KDM6A: variants seen among roughly 807,000 people sequenced by gnomAD.
The protein encoded by KDM6A is lysine demethylase 6A.
KDM6A carries 11 observed loss-of-function variants against 117.6 expected under a neutral mutation model. That is an observed-to-expected ratio of 0.09 (90% CI 0.06 to 0.15). KDM6A has a LOEUF of 0.15. KDM6A is among the 10% of genes least tolerant of loss of function. The pLI is 1.00. For synonymous variants in KDM6A, 384 were observed against 396.1 expected, an observed-to-expected ratio of 0.97 and a Z score of 0.36; for missense variants, 799 against 1,077.3, an observed-to-expected ratio of 0.74 and a Z score of 3.62.
chrX:44,979,563 G>C (rs911664712), intron 4 of KDM6A, among the ~76,000 whole-genome samples: 1 of 111,365 alleles, frequency 9.0e-6, no homozygotes, highest in African/African-American at 3.3e-5. Context: ...GTCTTTTGAA[G>C]AGCAAATGTT....
At chrX:44,988,130 C>G (rs1331286660) in intron 4 of KDM6A, among the ~76,000 whole-genome samples, 3 of 111,675 alleles carry the variant, frequency 2.7e-5, no homozygotes, top group Non-Finnish European at 5.6e-5. Flanking sequence ...TTTCTCTAAA[C>G]TTCTCTTCTC....
chrX:44,876,828 GTC>G (rs1463022218), intron 2 of KDM6A, among the ~76,000 whole-genome samples: 4 of 110,382 alleles, frequency 3.6e-5, no homozygotes, highest in Non-Finnish European at 5.7e-5. Flanking sequence ...CATTAAATAT[GTC>G]TCTTACTTGT....
chrX:44,934,742 G>A (rs1429599369), intron 2 of KDM6A, among the ~76,000 whole-genome samples: 1 of 111,356 alleles, frequency 9.0e-6, no homozygotes, highest in Non-Finnish European at 1.9e-5. Context: ...ATGAGAATTA[G>A]AGAGAAGGGG....
intron 7 of KDM6A, among the ~76,000 whole-genome samples, chrX:45,035,417 A>G (rs2042769070): frequency 8.9e-6 from 1 of 111,743 alleles, no homozygotes; most frequent in South Asian, 3.7e-4. Flanking sequence ...TGATAGTTTT[A>G]TATATCATTT....
chrX:45,086,103 A>G, intron 25 of KDM6A, 124 bp downstream of exon 25: 1 of 481,951 alleles, frequency 2.1e-6, no homozygotes, highest in Non-Finnish European at 3.7e-6. Context: ...TCAGCGAAGA[A>G]TTCATTTTAA....
At chrX:45,069,297 ATATG>A (rs2044708443) in intron 17 of KDM6A, among the ~76,000 whole-genome samples, 1 of 111,646 alleles carries the variant, frequency 9.0e-6, no homozygotes, top group South Asian at 3.7e-4. Flanking sequence ...AGAGATGAAA[ATATG>A]TATATTGGAA....
intron 4 of KDM6A, among the ~76,000 whole-genome samples, chrX:45,005,994 C>T (rs1227660778): frequency 1.6e-5 from 1 of 63,021 alleles, no homozygotes; most frequent in African/African-American, 6.5e-5. Flanking sequence ...CACCACCCAC[C>T]ACCCACCACC....
At chrX:45,079,771 C>T (rs2045316747) in intron 21 of KDM6A, among the ~76,000 whole-genome samples, 1 of 112,076 alleles carries the variant, frequency 8.9e-6, no homozygotes, top group Non-Finnish European at 1.9e-5. Context: ...GTCTCGAACT[C>T]CTGACCTCAA....
At chrX:45,059,186 T>C (rs2044205779) in intron 11 of KDM6A, 61 bp from the exon 12 acceptor site, 1 of 1,181,950 alleles carries the variant, frequency 8.5e-7, no homozygotes. Flanking sequence ...ATAGTTTAAA[T>C]CATTATAAAA....
chrX:44,914,624 C>G (rs2035439754), intron 2 of KDM6A, among the ~76,000 whole-genome samples: 1 of 110,950 alleles, frequency 9.0e-6, no homozygotes, highest in Non-Finnish European at 1.9e-5. Flanking sequence ...TGACCCTATC[C>G]CTAGACTTTG....
At chrX:45,029,431 C>T (rs1005626780) in intron 6 of KDM6A, among the ~76,000 whole-genome samples, 2 of 109,552 alleles carry the variant, frequency 1.8e-5, no homozygotes, top group Non-Finnish European at 3.8e-5. Context: ...GAAACCCCAT[C>T]TAATAAATAA....
chrX:44,958,181 ATT>A (rs35278318), intron 2 of KDM6A, among the ~76,000 whole-genome samples: 25 of 97,438 alleles, frequency 2.6e-4, no homozygotes, highest in Non-Finnish European at 2.9e-4. Flanking sequence ...TCTTTAATGA[ATT>A]TTTTTTTTTT....
chrX:44,922,895 C>T (rs1276443011), intron 2 of KDM6A, among the ~76,000 whole-genome samples: 1 of 104,579 alleles, frequency 9.6e-6, no homozygotes, highest in Non-Finnish European at 1.9e-5. Flanking sequence ...TTTAAATTTG[C>T]CTGAACGACT....
intron 19 of KDM6A, 75 bp downstream of exon 19, chrX:45,076,901 C>T: frequency 1.1e-6 from 1 of 909,299 alleles, no homozygotes; most frequent in Non-Finnish European, 1.6e-6. Flanking sequence ...TTTAAATTTA[C>T]ATGGATGCCC....
chrX:45,076,613 T>C, intron 18 of KDM6A, 84 bp from the exon 19 acceptor site: 1 of 732,596 alleles, frequency 1.4e-6, no homozygotes, highest in Non-Finnish European at 2.1e-6. Flanking sequence ...GTAATTTAAT[T>C]AGGACTTAAT....
intron 2 of KDM6A, among the ~76,000 whole-genome samples, chrX:44,878,957 CG>C (rs1466717833): frequency 9.0e-6 from 1 of 111,005 alleles, no homozygotes; most frequent in Non-Finnish European, 1.9e-5. Context: ...CCTGACCTCA[CG>C]TGATCAGCCC....
In KDM6A at chrX:45,010,792, G is replaced by A. The variant is rs193221960; in HGVS notation, c.385-169G>A. Among the ~76,000 whole-genome samples the A allele has an allele frequency of 1.5e-3, 165 of 111,728 alleles. 1 individual carries two copies. Among genetic ancestry groups the A allele is most frequent in the Non-Finnish European group, 3.8e-4 (20 of 53,095 alleles). ...GCTGGAATACCTCTCTAAGTTGATT[G>A]GAATCTGTGCCATCTGATCACTGTT... On this transcript the variant is annotated intron_variant, in intron 4 of 29. Coordinates refer to ENST00000611820, the MANE Select transcript of KDM6A (RefSeq NM_001291415.2).
chrX:45,020,874 T>G, intron 6 of KDM6A, 144 bp downstream of exon 6: 11 of 628,327 alleles, frequency 1.8e-5, no homozygotes, highest in Non-Finnish European at 2.8e-5. Flanking sequence ...GTGACAGAAC[T>G]GTTTATCAAC....
chrX:44,927,168 A>G (rs948848533), intron 2 of KDM6A, among the ~76,000 whole-genome samples: 1 of 111,031 alleles, frequency 9.0e-6, no homozygotes, highest in African/African-American at 3.3e-5. Context: ...TTTTCTTTAA[A>G]TGTTAGCAAA....
Sources: gnomAD v4.1 joint callset for allele counts (sites outside exome capture counted in the v4.1 genomes callset) on GRCh38, gnomAD v4.1.1 for gene constraint, MANE v1.5 for transcripts, NCBI Gene and HGNC (gene_info 2026-07-23, HGNC 2026-07-21) for gene names.